ANKAR: variants seen among roughly 807,000 people sequenced by gnomAD.
The protein encoded by ANKAR is ankyrin and armadillo repeat-containing protein.
In ANKAR, 136 loss-of-function variants were observed where a neutral mutation model predicts 146.2. The observed-to-expected ratio is 0.93, with a 90% CI of 0.81 to 1.07. The LOEUF is 1.07. Ranked by LOEUF, ANKAR falls within the 50% of genes least tolerant of loss-of-function variation. ANKAR has a pLI of 0.00. For synonymous variants in ANKAR, 500 were observed against 575.8 expected, an observed-to-expected ratio of 0.87 and a Z score of 1.88; for missense variants, 1,567 against 1,679.9, an observed-to-expected ratio of 0.93 and a Z score of 1.18.
In ANKAR at chr2:189,738,617, C is replaced by T; in HGVS notation, c.3635C>T (p.Ala1212Val). ...GATATGGACCATATTACTTTGTCTG[C>T]AAGAGGTGTTACTATTTTAGTTGAT... The part of the protein sequence containing the change: ...IRDMDHITLS[A>V]RGVTILVDSL... Residue 1212 changes from alanine to valine, a missense_variant, in exon 19 of 23, where the codon GCA (alanine) becomes GTA (valine). Transcript: ENST00000684021. 6.2e-7 allele frequency: 1 copy of T among 1,612,348 alleles called. No individual in the cohort carries two copies. The highest frequency in any genetic ancestry group is 8.5e-7 in the Non-Finnish European group (1 of 1,178,992).
chr2:189,762,791 A>G, downstream of ANKAR: 1 of 985,454 alleles, frequency 1.0e-6, no homozygotes, highest in Non-Finnish European at 1.2e-6. Flanking sequence ...CCCGGAAGTG[A>G]TGTCATCGGA....
At chr2:189,732,231 C>A (rs909698457) in intron 16 of ANKAR, among the ~76,000 whole-genome samples, 3 of 152,178 alleles carry the variant, frequency 2.0e-5, no homozygotes, top group Non-Finnish European at 4.4e-5. Context: ...AAAAACTTAT[C>A]TACTGAGTCC....
At chr2:189,759,676 G>A (rs1163884827) in intron 18 of ANKAR, among the ~76,000 whole-genome samples, 1 of 152,112 alleles carries the variant, frequency 6.6e-6, no homozygotes, top group East Asian at 1.9e-4. Context: ...AAAATACCAG[G>A]CTTTTTCACT....
At chr2:189,719,456 A>T in intron 10 of ANKAR, 116 bp from the exon 11 acceptor site, 3 of 749,372 alleles carry the variant, frequency 4.0e-6, no homozygotes, top group Non-Finnish European at 5.5e-6. Flanking sequence ...GAATTATTTC[A>T]TAATTATTTA....
At chr2:189,691,789 G>GTGTC (rs976012068) in intron 3 of ANKAR, among the ~76,000 whole-genome samples, 3 of 151,526 alleles carry the variant, frequency 2.0e-5, no homozygotes, top group African/African-American at 7.3e-5. Flanking sequence ...TTGAGACAGG[G>GTGTC]TGTCACTCTG....
intron 9 of ANKAR, among the ~76,000 whole-genome samples, chr2:189,708,994 C>T (rs2263968): frequency 1.3e-5 from 2 of 152,018 alleles, no homozygotes; most frequent in Non-Finnish European, 2.9e-5. Context: ...CCTAGCTCCT[C>T]GGGAGGCTGA....
chr2:189,713,932 T>C (rs1033654925), intron 10 of ANKAR, among the ~76,000 whole-genome samples: 1 of 151,716 alleles, frequency 6.6e-6, no homozygotes, highest in Non-Finnish European at 1.5e-5. Context: ...ACCAAGCAAA[T>C]GGAAAGCAAA....
chr2:189,686,817 C>T (rs1247917428), intron 2 of ANKAR, among the ~76,000 whole-genome samples: 1 of 114,204 alleles, frequency 8.8e-6, no homozygotes, highest in African/African-American at 3.3e-5. Flanking sequence ...GGAAACGAGA[C>T]TCTTTCTTTT....
At chr2:189,714,144 C>T (rs552028741) in intron 10 of ANKAR, among the ~76,000 whole-genome samples, 7 of 152,292 alleles carry the variant, frequency 4.6e-5, no homozygotes, top group African/African-American at 1.7e-4. Flanking sequence ...GAGACTTAGA[C>T]TCCCACACAA....
In ANKAR at chr2:189,692,436, T is replaced by C; in HGVS notation, c.1203+18T>C. ...ATTTTCAGGTTTAAATGATCATTCC[T>C]TAGACAATTTATCATTTCACAACTC... is the stretch of plus-strand genomic sequence containing the variant. On this transcript the variant is annotated intron_variant, in intron 4 of 22. Coordinates refer to ENST00000684021, the MANE Select transcript of ANKAR (RefSeq NM_001378068.1). 3.8e-6 allele frequency: 6 copies of C among 1,588,998 alleles called. No homozygotes were observed. The highest frequency in any genetic ancestry group is 5.1e-6 in the Non-Finnish European group (6 of 1,170,976).
chr2:189,727,544 A>AAAAAG (rs1559126243), intron 12 of ANKAR, among the ~76,000 whole-genome samples: 9 of 149,952 alleles, frequency 6.0e-5, no homozygotes, highest in African/African-American at 1.5e-4. Context: ...AAAAAAAAAA[A>AAAAAG]AAGGGTGGTG....
intron 10 of ANKAR, among the ~76,000 whole-genome samples, chr2:189,712,921 G>C (rs1052817157): frequency 2.0e-5 from 3 of 152,136 alleles, no homozygotes; most frequent in Non-Finnish European, 4.4e-5. Context: ...GTGTAGAGAA[G>C]ACCTTAAATG....
chr2:189,705,019 C>G lies in ANKAR; in HGVS notation c.1709-4C>G. 6.2e-7 allele frequency: 1 copy of G among 1,613,600 alleles called. No homozygotes were observed. The highest frequency in any genetic ancestry group is 1.1e-5 in the South Asian group (1 of 91,058). ...TCACTGAAGTAATTGTCCATCCATT[C>G]TAGGTCCAACACCTCTACACCTTGC... On this transcript the variant is annotated splice_polypyrimidine_tract_variant and splice_region_variant and intron_variant, in intron 7 of 22. Coordinates refer to ENST00000684021, the MANE Select transcript of ANKAR (RefSeq NM_001378068.1).
At chr2:189,729,771 CT>C (rs1336707663) in intron 15 of ANKAR, among the ~76,000 whole-genome samples, 1 of 142,208 alleles carries the variant, frequency 7.0e-6, no homozygotes, top group Non-Finnish European at 1.6e-5. Flanking sequence ...TCAAACTTCC[CT>C]AGATACAATA....
At chr2:189,707,768 A>C (rs188671410) in intron 9 of ANKAR, among the ~76,000 whole-genome samples, 191 of 152,258 alleles carry the variant, frequency 1.3e-3, no homozygotes, top group Non-Finnish European at 2.2e-3. Context: ...CACCAGCAGA[A>C]GACAAGCATT....
chr2:189,736,492 T>G (rs1574718014), intron 17 of ANKAR, among the ~76,000 whole-genome samples: 6 of 73,834 alleles, frequency 8.1e-5, no homozygotes, highest in East Asian at 4.4e-4. Context: ...CCTATTTAGG[T>G]GACTGGGTTT....
chr2:189,742,833 GACACACACACACAC>G, intron 20 of ANKAR, among the ~76,000 whole-genome samples: 1 of 53,316 alleles, frequency 1.9e-5, no homozygotes. Flanking sequence ...AGAATTACCT[GACACACACACACAC>G]ACACATTAGA....
In ANKAR at chr2:189,719,714, C is replaced by T. The variant is rs149508276; in HGVS notation, c.2367C>T (p.Ile789=). 62 of 1,614,132 alleles carry T rather than the reference C, an allele frequency of 3.8e-5. No individual in the cohort carries two copies. The East Asian group carries it at 9.6e-4, about 25-fold the overall frequency. ...AAGCGGGAGGCATTCCATCTCTAAT[C>T]AACCTACTGGTTTGTGATGAGCCTG... ...LVEAGGIPSL[I]NLLVCDEPEV... is the part of the protein sequence containing the mutation. Residue 789 remains isoleucine (I), a synonymous_variant, in exon 11 of 23, where the codon ATC becomes ATT. Transcript: ENST00000684021.
rs572225237 is a variant in ANKAR, at chr2:189,708,152, G to A, written c.2119+1006G>A. On this transcript the variant is annotated intron_variant, in intron 9 of 22. Transcript: ENST00000684021. ...TGCATCCAGTCTAGAGGAAAAAAAT[G>A]GGAGGAATTATCAGTAGGTACAAGG... Among the ~76,000 whole-genome samples, 8 of 152,278 alleles carry A rather than the reference G, an allele frequency of 5.3e-5. 1 individual carries two copies. The East Asian group carries it at 1.5e-3, about 29-fold the overall frequency.
Sources: allele counts gnomAD v4.1 joint callset (sites outside exome capture counted in the v4.1 genomes callset), GRCh38; gene constraint gnomAD v4.1.1; transcripts MANE v1.5; gene names NCBI Gene and HGNC (gene_info 2026-07-23, HGNC 2026-07-21).